RPRD1A: variants seen among roughly 807,000 people sequenced by gnomAD.
The protein encoded by RPRD1A is regulation of nuclear pre-mRNA domain-containing protein 1A.
Under a neutral mutation model 37.8 loss-of-function variants are expected in RPRD1A, and 9 were observed. That is an observed-to-expected ratio of 0.24 (90% CI 0.14 to 0.42). The LOEUF (loss-of-function observed/expected upper bound fraction) is 0.42, where lower values mean the gene tolerates loss of function less well. Ranked by LOEUF, RPRD1A falls within the 10% of genes least tolerant of loss-of-function variation. The pLI is 1.00. For synonymous variants in RPRD1A, 138 were observed against 139.7 expected, an observed-to-expected ratio of 0.99 and a Z score of 0.08; for missense variants, 255 against 371.0, an observed-to-expected ratio of 0.69 and a Z score of 2.57.
chr18:36,008,577 G>GTGTGTATGTATA lies in RPRD1A; in HGVS notation c.790-15278_790-15277insTATACATACACA. 8.4e-5 allele frequency among the ~76,000 whole-genome samples: 4 copies of GTGTGTATGTATA among 47,800 alleles called. 1 individual carries two copies. Among genetic ancestry groups the GTGTGTATGTATA allele is most frequent in the Non-Finnish European group, 1.3e-4 (3 of 23,526 alleles). 31.4% of individuals were successfully genotyped at this position (47,800 alleles called of 152,430 possible). On this transcript the variant is annotated intron_variant, in intron 6 of 6. Transcript: ENST00000399022. Reference sequence around the variant, plus strand: ...GGCGACACAGCAAGACCTTGTGTGTGTATATATATATATCTTTAAAAATCT... The same window carrying GTGTGTATGTATA: ...GGCGACACAGCAAGACCTTGTGTGTGTGTGTATGTATATATATATATATATCTTTAAAAATCT...
At chr18:36,016,373 C>T (rs904016278) in intron 6 of RPRD1A, among the ~76,000 whole-genome samples, 2 of 152,174 alleles carry the variant, frequency 1.3e-5, no homozygotes, top group African/African-American at 4.8e-5. Flanking sequence ...CAGTTGCCTG[C>T]CACTACACCC....
At chr18:36,022,465 C>G (rs1436424852) in intron 6 of RPRD1A, among the ~76,000 whole-genome samples, 4 of 152,208 alleles carry the variant, frequency 2.6e-5, no homozygotes, top group Non-Finnish European at 4.4e-5. Flanking sequence ...AACAAACAAG[C>G]TGGCCCTCAT....
intron 6 of RPRD1A, among the ~76,000 whole-genome samples, chr18:36,024,453 G>A (rs1439906848): frequency 1.3e-5 from 2 of 151,614 alleles, no homozygotes; most frequent in Non-Finnish European, 2.9e-5. Flanking sequence ...ACCACACCCG[G>A]CCCAACAGTT....
intron 1 of RPRD1A, among the ~76,000 whole-genome samples, chr18:36,057,049 T>TA (rs1407950222): frequency 1.7e-4 from 4 of 23,292 alleles, no homozygotes; most frequent in African/African-American, 5.7e-4. Context: ...ACCCTGTTTC[T>TA]ACAAAAAAAA....
intron 1 of RPRD1A, among the ~76,000 whole-genome samples, chr18:36,067,005 C>A (rs564813682): frequency 3.5e-4 from 54 of 152,328 alleles, no homozygotes; most frequent in Admixed American, 1.2e-3. Context: ...GGAGTCCCAA[C>A]CCCCTGCTAC....
At chr18:36,019,633 A>G (rs1195224058) in intron 6 of RPRD1A, among the ~76,000 whole-genome samples, 2 of 152,238 alleles carry the variant, frequency 1.3e-5, no homozygotes, top group Non-Finnish European at 2.9e-5. Flanking sequence ...ATGATAGAGC[A>G]AACTCATGTT....
At chr18:36,066,000 T>C (rs1387256590) in intron 1 of RPRD1A, among the ~76,000 whole-genome samples, 5 of 152,238 alleles carry the variant, frequency 3.3e-5, no homozygotes, top group Admixed American at 2.0e-4. Context: ...TTACCGATTC[T>C]GAAATCTAGT....
chr18:36,032,663 C>T (rs552343363), intron 2 of RPRD1A, among the ~76,000 whole-genome samples: 1 of 152,194 alleles, frequency 6.6e-6, no homozygotes, highest in East Asian at 1.9e-4. Flanking sequence ...TCCAAAGAAC[C>T]GAGTCAATGT....
At chr18:36,052,825 C>G (rs1913496885) in intron 1 of RPRD1A, 1 of 152,074 alleles carries the variant, frequency 6.6e-6, no homozygotes, top group South Asian at 2.1e-4. Flanking sequence ...GTCTTGAGCT[C>G]CTGACCTCGT....
At chr18:36,049,166 A>G (rs541736581) in intron 1 of RPRD1A, among the ~76,000 whole-genome samples, 55 of 152,300 alleles carry the variant, frequency 3.6e-4, no homozygotes, top group African/African-American at 1.3e-3. Context: ...TCGGCCTCCC[A>G]AAGTGCTGGG....
chr18:36,043,896 T>A (rs573740904), intron 1 of RPRD1A, among the ~76,000 whole-genome samples: 1 of 152,184 alleles, frequency 6.6e-6, no homozygotes, highest in African/African-American at 2.4e-5. Flanking sequence ...AAAAAACCCA[T>A]GTATAACTTC....
intron 6 of RPRD1A, among the ~76,000 whole-genome samples, chr18:36,009,714 G>T (rs1598606852): frequency 6.6e-6 from 1 of 152,206 alleles, no homozygotes; most frequent in Non-Finnish European, 1.5e-5. Context: ...TGTGACAATG[G>T]AAATGTTCTT....
chr18:36,045,183 T>C (rs1054657032), intron 1 of RPRD1A, among the ~76,000 whole-genome samples: 1 of 152,102 alleles, frequency 6.6e-6, no homozygotes, highest in African/African-American at 2.4e-5. Flanking sequence ...GAGGTTGCAG[T>C]GAGCCAAGAT....
intron 1 of RPRD1A, among the ~76,000 whole-genome samples, chr18:36,042,462 A>T (rs1455726878): frequency 1.3e-5 from 2 of 152,174 alleles, no homozygotes; most frequent in Non-Finnish European, 2.9e-5. Flanking sequence ...TTAGTTTCTG[A>T]TCATTAACCT....
Position 36,040,983 on chromosome 18 carries a change from AAG to A in RPRD1A, c.152-7148_152-7147del, listed in dbSNP as rs562879682. ...CACTGCTCAATTTCAGGTGGAAAAAAAGAATTCCCCATTAGAGTTTAATGCAG... is the reference window on the plus strand; with the variant it reads ...CACTGCTCAATTTCAGGTGGAAAAAAAATTCCCCATTAGAGTTTAATGCAG... On this transcript the variant is annotated intron_variant, in intron 1 of 6. Transcript: ENST00000399022. 63 of 578,016 alleles carry A rather than the reference AAG, an allele frequency of 1.1e-4. No homozygotes were observed. In the South Asian group the frequency reaches 1.5e-3, roughly 14 times the overall value. The allele number at this position is 578,016 out of a possible 1,614,324, so 35.8% of individuals were successfully genotyped here.
chr18:36,066,201 G>A (rs993661267), intron 1 of RPRD1A, among the ~76,000 whole-genome samples: 2 of 152,168 alleles, frequency 1.3e-5, no homozygotes, highest in Non-Finnish European at 1.5e-5. Context: ...AAGGATGGGT[G>A]ACGTTTTCAT....
intron 1 of RPRD1A, among the ~76,000 whole-genome samples, chr18:36,057,023 T>C (rs1053104248): frequency 2.1e-4 from 24 of 113,174 alleles, no homozygotes; most frequent in Non-Finnish European, 1.6e-5. Flanking sequence ...GAGACCAGCC[T>C]CAGCAACACA....
intron 4 of RPRD1A, among the ~76,000 whole-genome samples, chr18:36,029,168 T>C (rs1378871784): frequency 6.6e-6 from 1 of 152,224 alleles, no homozygotes; most frequent in Non-Finnish European, 1.5e-5. Flanking sequence ...AACAAACAGG[T>C]AGGCTGACTC....
At chr18:36,019,372 G>A (rs769617584) in intron 6 of RPRD1A, among the ~76,000 whole-genome samples, 3 of 152,044 alleles carry the variant, frequency 2.0e-5, no homozygotes, top group Admixed American at 6.6e-5. Flanking sequence ...CTCCCAAAGT[G>A]CTGGGATTAC....
Sources: gnomAD v4.1 joint callset for allele counts (sites outside exome capture counted in the v4.1 genomes callset) on GRCh38, gnomAD v4.1.1 for gene constraint, MANE v1.5 for transcripts, NCBI Gene and HGNC (gene_info 2026-07-23, HGNC 2026-07-21) for gene names.